Variants in PM20D2 observed in about 807,000 individuals in gnomAD.
PM20D2 encodes xaa-Arg dipeptidase.
In PM20D2, 33 loss-of-function variants were observed where a neutral mutation model predicts 42.9. The ratio of observed to expected loss-of-function variants is 0.77; its 90% CI spans 0.58 to 1.03. The LOEUF (loss-of-function observed/expected upper bound fraction) is 1.03, where lower values mean the gene tolerates loss of function less well. Ranked by LOEUF, PM20D2 falls within the 50% of genes least tolerant of loss-of-function variation. PM20D2 has a pLI of 0.00. For missense variants in PM20D2, 548 were observed against 557.0 expected (o/e 0.98, Z 0.16); for synonymous variants, 250 against 228.2 (o/e 1.10, Z -0.86).
At chr6:89,118,955 C>G in the PM20D2 span, among the ~76,000 whole-genome samples, 2 of 152,204 alleles carry the variant, frequency 1.3e-5, no homozygotes, top group Non-Finnish European at 2.9e-5. Flanking sequence ...CTCCTGTGGC[C>G]GGCAGGCACA....
At chr6:89,116,657 C>T in the PM20D2 span, among the ~76,000 whole-genome samples, 6 of 152,092 alleles carry the variant, frequency 3.9e-5, no homozygotes, top group African/African-American at 1.4e-4. Flanking sequence ...CGCCTGTAAT[C>T]CCATCTACTT....
the PM20D2 span, among the ~76,000 whole-genome samples, chr6:89,120,068 C>T: frequency 6.6e-6 from 1 of 152,146 alleles, no homozygotes; most frequent in Non-Finnish European, 1.5e-5. Flanking sequence ...AGGGGTTTCC[C>T]CTTATAAAAC....
In PM20D2 at chr6:89,162,089, T is replaced by G; in HGVS notation, c.1157-20T>G. 3 of 1,592,944 alleles carry G rather than the reference T, an allele frequency of 1.9e-6. No individual in the cohort carries two copies. The highest frequency in any genetic ancestry group is 2.6e-6 in the Non-Finnish European group (3 of 1,172,534). Reference sequence around the variant, plus strand: ...CAGCTTAAATAAGTAAGGAGGTATTTTATTTTCTCTACCTTTTAGGGTCAC... The same window carrying G: ...CAGCTTAAATAAGTAAGGAGGTATTGTATTTTCTCTACCTTTTAGGGTCAC... On this transcript the variant is annotated intron_variant, in intron 6 of 6. Coordinates refer to ENST00000275072, the MANE Select transcript of PM20D2 (RefSeq NM_001010853.3).
chr6:89,132,804 C>T, the PM20D2 span, among the ~76,000 whole-genome samples: 1 of 150,944 alleles, frequency 6.6e-6, no homozygotes, highest in Non-Finnish European at 1.5e-5. Context: ...CGTCACTGCA[C>T]TCCAGCCTGG....
At position 89,155,115 on chromosome 6, in the gene PM20D2, A is replaced by G. The variant is rs141327260; in HGVS notation, c.912+213A>G. On this transcript the variant is annotated intron_variant, in intron 4 of 6. Coordinates refer to ENST00000275072, the MANE Select transcript of PM20D2 (RefSeq NM_001010853.3). ...GAAGATGACAGGTCATCTTACTTAT[A>G]TAGTAATTAGAATAATTCTGATACT... Among the ~76,000 whole-genome samples, 351 of 152,302 alleles carry G rather than the reference A, an allele frequency of 2.3e-3. 1 individual carries two copies. Among genetic ancestry groups the G allele is most frequent in the African/African-American group, 8.1e-3 (338 of 41,554 alleles).
At chr6:89,097,701 C>T in the PM20D2 span, 1 of 152,002 alleles carries the variant, frequency 6.6e-6, no homozygotes, top group Non-Finnish European at 1.5e-5. Flanking sequence ...AATAATAAGA[C>T]TTGTTCCATA....
chr6:89,102,646 A>G, the PM20D2 span, among the ~76,000 whole-genome samples: 4 of 152,230 alleles, frequency 2.6e-5, no homozygotes, highest in East Asian at 1.9e-4. Context: ...GGAGTTGAGG[A>G]GCAATTTTAA....
rs1253416235 is a variant in PM20D2, at chr6:89,146,258, G to A, written c.114G>A (p.Leu38=). ...GCATCGACGAGGCGGCCGAGCGGCT[G>A]GGGGCCCTGAGCCGCGCGATCTGGA... is the stretch of plus-strand genomic sequence containing the variant. ...AECIDEAAER[L]GALSRAIWSQ... The change falls in exon 1 of 7, where the codon CTG becomes CTA. Residue 38 remains leucine (L), a synonymous_variant. Transcript: ENST00000275072. The A allele has an allele frequency of 5.1e-6, 8 of 1,579,666 alleles. No individual in the cohort carries two copies. The highest frequency in any genetic ancestry group is 3.4e-5 in the South Asian group (3 of 88,354).
At chr6:89,111,028 C>A in the PM20D2 span, among the ~76,000 whole-genome samples, 12 of 152,022 alleles carry the variant, frequency 7.9e-5, no homozygotes, top group Non-Finnish European at 1.6e-4. Context: ...AGAAGAATCA[C>A]TTGAGCCCAG....
At chr6:89,154,958 G>T in intron 4 of PM20D2, 56 bp downstream of exon 4, 1 of 1,379,848 alleles carries the variant, frequency 7.2e-7, no homozygotes, top group Non-Finnish European at 9.6e-7. Flanking sequence ...ATGTGGGCTA[G>T]CACTGTTAGA....
the PM20D2 span, among the ~76,000 whole-genome samples, chr6:89,103,376 T>C: frequency 0.062 from 9,494 of 151,940 alleles, 867 homozygotes; most frequent in African/African-American, 0.2. Context: ...TCACCCAGGC[T>C]GGAGAGCAGT....
At chr6:89,144,743 T>A (rs1034664768), upstream of PM20D2, among the ~76,000 whole-genome samples, 1 of 152,172 alleles carries the variant, frequency 6.6e-6, no homozygotes, top group Non-Finnish European at 1.5e-5. Context: ...TTTAGCCAAC[T>A]AACTGAGCAG....
chr6:89,110,259 A>C, the PM20D2 span, among the ~76,000 whole-genome samples: 2 of 152,186 alleles, frequency 1.3e-5, no homozygotes, highest in African/African-American at 4.8e-5. Flanking sequence ...GCAATGAAAA[A>C]ATGAAGCAAT....
the PM20D2 span, among the ~76,000 whole-genome samples, chr6:89,114,118 G>A: frequency 5.9e-5 from 9 of 152,104 alleles, no homozygotes; most frequent in Admixed American, 5.2e-4. Context: ...ATTTCTCATC[G>A]GTAAAATGGG....
At chr6:89,095,580 A>G in the PM20D2 span, among the ~76,000 whole-genome samples, 3 of 152,270 alleles carry the variant, frequency 2.0e-5, no homozygotes, top group Admixed American at 6.5e-5. Flanking sequence ...AAATAAATGC[A>G]GCAATTCTTA....
chr6:89,105,074 C>T, the PM20D2 span: 1,708 of 1,538,990 alleles, frequency 1.1e-3, 6 homozygotes, highest in Middle Eastern at 4.3e-3. Context: ...ATATCTATTT[C>T]CCAGAAAAAG....
At chr6:89,122,829 C>T in the PM20D2 span, among the ~76,000 whole-genome samples, 1 of 152,142 alleles carries the variant, frequency 6.6e-6, no homozygotes, top group Non-Finnish European at 1.5e-5. Context: ...CTGCCATGGC[C>T]TATCCTTTCT....
chr6:89,105,227 G>C, the PM20D2 span: 1 of 1,611,428 alleles, frequency 6.2e-7, no homozygotes, highest in African/African-American at 1.3e-5. Flanking sequence ...TGGAGAACAA[G>C]GATGACGTTC....
chr6:89,130,813 CTTCTTCTTTTT>C, the PM20D2 span, among the ~76,000 whole-genome samples: 2 of 48,458 alleles, frequency 4.1e-5, no homozygotes, highest in Non-Finnish European at 8.3e-5. Context: ...TATCTGGCTT[CTTCTTCTTTTT>C]TTTTTTTTTT....
Sources: gnomAD v4.1 joint callset for allele counts (sites outside exome capture counted in the v4.1 genomes callset) on GRCh38, gnomAD v4.1.1 for gene constraint, MANE v1.5 for transcripts, NCBI Gene and HGNC (gene_info 2026-07-23, HGNC 2026-07-21) for gene names.